AGMO: variants seen among roughly 807,000 people sequenced by gnomAD.
AGMO encodes the protein glyceryl-ether monooxygenase.
A neutral mutation model predicts 60.2 loss-of-function variants in AGMO; 75 were observed. The observed-to-expected ratio is 1.25, with a 90% CI of 1.03 to 1.51. AGMO has a LOEUF of 1.51. Among genes scored for constraint, AGMO ranks in the 40% most tolerant of loss-of-function variants. AGMO has a pLI of 0.00. For synonymous variants in AGMO, 261 were observed against 177.1 expected, an observed-to-expected ratio of 1.47 and a Z score of -3.76; for missense variants, 763 against 525.5, an observed-to-expected ratio of 1.45 and a Z score of -4.42.
chr7:15,207,462 C>T (rs1287454972), intron 12 of AGMO, among the ~76,000 whole-genome samples: 1 of 152,160 alleles, frequency 6.6e-6, no homozygotes, highest in African/African-American at 2.4e-5. Context: ...CTACTAGATT[C>T]TTGCCTTTCC....
intron 3 of AGMO, among the ~76,000 whole-genome samples, chr7:15,523,548 T>C (rs1330787590): frequency 6.6e-6 from 1 of 152,146 alleles, no homozygotes; most frequent in Non-Finnish European, 1.5e-5. Flanking sequence ...TGGATGAAGC[T>C]GGAAACTATC....
chr7:15,156,183 G>A, the AGMO span, among the ~76,000 whole-genome samples: 1 of 152,198 alleles, frequency 6.6e-6, no homozygotes, highest in African/African-American at 2.4e-5. Flanking sequence ...ATGGGCAAGT[G>A]CACACTGGCA....
chr7:15,550,024 G>C (rs1486770755), intron 2 of AGMO, among the ~76,000 whole-genome samples: 2 of 152,000 alleles, frequency 1.3e-5, no homozygotes, highest in Non-Finnish European at 2.9e-5. Flanking sequence ...ACTCAAAACC[G>C]CTCAACTACA....
chr7:15,510,443 G>A (rs1783639848), intron 3 of AGMO, among the ~76,000 whole-genome samples: 2 of 151,828 alleles, frequency 1.3e-5, no homozygotes, highest in South Asian at 4.2e-4. Context: ...CTCCCAAAGT[G>A]CTGAGATTAC....
chr7:15,283,756 A>T (rs1489090527), intron 12 of AGMO, among the ~76,000 whole-genome samples: 1 of 152,036 alleles, frequency 6.6e-6, no homozygotes, highest in Admixed American at 6.6e-5. Context: ...AGAAAATTCT[A>T]CCCAACAACT....
At chr7:15,253,557 C>CT (rs1357857386) in intron 12 of AGMO, among the ~76,000 whole-genome samples, 6 of 152,000 alleles carry the variant, frequency 3.9e-5, no homozygotes, top group Admixed American at 6.6e-5. Flanking sequence ...GGTATTACAT[C>CT]TTTTTTTAAA....
At chr7:15,465,957 A>G (rs776689583) in intron 3 of AGMO, among the ~76,000 whole-genome samples, 61 of 152,132 alleles carry the variant, frequency 4.0e-4, no homozygotes, top group Non-Finnish European at 6.3e-4. Context: ...ACTAAAATTT[A>G]TTTTCTCATT....
intron 12 of AGMO, among the ~76,000 whole-genome samples, chr7:15,273,531 A>T (rs973276540): frequency 1.3e-5 from 2 of 152,096 alleles, no homozygotes; most frequent in Non-Finnish European, 2.9e-5. Context: ...GTAGCCTTGT[A>T]GTATAGTTTG....
chr7:15,457,767 A>C (rs1782035444), intron 3 of AGMO, among the ~76,000 whole-genome samples: 1 of 152,158 alleles, frequency 6.6e-6, no homozygotes, highest in African/African-American at 2.4e-5. Context: ...TTTATTTAGA[A>C]GATGCAAATC....
intron 3 of AGMO, among the ~76,000 whole-genome samples, chr7:15,463,362 C>A (rs186369073): frequency 1.3e-5 from 2 of 152,200 alleles, no homozygotes; most frequent in East Asian, 3.9e-4. Context: ...GCACAAGAAG[C>A]TGAACTGTAT....
At chr7:15,426,953 G>T (rs1384784636) in intron 4 of AGMO, among the ~76,000 whole-genome samples, 1 of 152,084 alleles carries the variant, frequency 6.6e-6, no homozygotes, top group Non-Finnish European at 1.5e-5. Context: ...GTTTTGACTA[G>T]CTCTGCATGT....
At position 15,541,981 on chromosome 7, in the gene AGMO, C is replaced by T. The variant is rs544601217; in HGVS notation, c.409+2791G>A. Among the ~76,000 whole-genome samples, 26 of 151,996 alleles carry T rather than the reference C, an allele frequency of 1.7e-4. No homozygotes were observed. In the East Asian group the frequency reaches 1.7e-3, roughly 10 times the overall value. On this transcript the variant is annotated intron_variant, in intron 3 of 12. Transcript: ENST00000342526. Reference sequence around the variant, plus strand: ...TCTTACTATATTTTAAGATGACATACGTATTTTGGAATTATTGAAATTTTT... The same window carrying T: ...TCTTACTATATTTTAAGATGACATATGTATTTTGGAATTATTGAAATTTTT...
intron 12 of AGMO, among the ~76,000 whole-genome samples, chr7:15,354,506 A>ATGTGTGTG (rs1563106000): frequency 7.8e-5 from 4 of 51,020 alleles, no homozygotes; most frequent in African/African-American, 3.6e-4. Flanking sequence ...GTATATATAT[A>ATGTGTGTG]TATATATATA....
At chr7:15,125,820 A>G in the AGMO span, among the ~76,000 whole-genome samples, 1 of 152,278 alleles carries the variant, frequency 6.6e-6, no homozygotes, top group South Asian at 2.1e-4. Flanking sequence ...TAGCTCTGTC[A>G]TCTATATGAG....
chr7:15,515,723 G>A lies in AGMO; in HGVS notation c.409+29049C>T, dbSNP rs375552254. ...ATATTATTCATAATAGTTTCTAGGA[G>A]AATTAAGAAATATATTTCAAAAAGC... On this transcript the variant is annotated intron_variant, in intron 3 of 12. Coordinates refer to ENST00000342526, the MANE Select transcript of AGMO (RefSeq NM_001004320.2). 4.6e-5 allele frequency among the ~76,000 whole-genome samples: 7 copies of A among 152,258 alleles called. No homozygotes were observed. The East Asian group carries it at 1.2e-3, about 25-fold the overall frequency.
intron 12 of AGMO, among the ~76,000 whole-genome samples, chr7:15,212,848 C>G (rs1781632411): frequency 1.3e-5 from 2 of 151,918 alleles, no homozygotes; most frequent in African/African-American, 4.8e-5. Context: ...TTACAAAGAA[C>G]AGCTTACAAA....
intron 5 of AGMO, among the ~76,000 whole-genome samples, chr7:15,410,075 T>G (rs1490099685): frequency 2.0e-5 from 3 of 151,808 alleles, no homozygotes; most frequent in African/African-American, 7.2e-5. Context: ...TCAGTAACTA[T>G]AAGTAACTGA....
At chr7:15,424,750 A>T (rs1781012820) in intron 4 of AGMO, among the ~76,000 whole-genome samples, 1 of 152,170 alleles carries the variant, frequency 6.6e-6, no homozygotes, top group African/African-American at 2.4e-5. Context: ...TGGAGTTCCG[A>T]GGCAAAGTTC....
chr7:15,247,728 A>C (rs1301867885), intron 12 of AGMO, among the ~76,000 whole-genome samples: 1 of 152,208 alleles, frequency 6.6e-6, no homozygotes, highest in Non-Finnish European at 1.5e-5. Flanking sequence ...TTTATTATAT[A>C]CTTTAAATAC....
Sources: allele counts gnomAD v4.1 joint callset (sites outside exome capture counted in the v4.1 genomes callset), GRCh38; gene constraint gnomAD v4.1.1; transcripts MANE v1.5; gene names NCBI Gene and HGNC (gene_info 2026-07-23, HGNC 2026-07-21).